Variants in NIPAL4 observed in about 807,000 individuals in gnomAD.
NIPAL4 encodes NIPA like domain containing 4.
In NIPAL4, 21 loss-of-function variants were observed where a neutral mutation model predicts 31.6. That is an observed-to-expected ratio of 0.67 (90% CI 0.47 to 0.96). The LOEUF (loss-of-function observed/expected upper bound fraction) is 0.96, where lower values mean the gene tolerates loss of function less well. Ranked by LOEUF, NIPAL4 falls within the 40% of genes least tolerant of loss-of-function variation. The pLI, the probability that NIPAL4 is intolerant of heterozygous loss-of-function variation, is 0.00. For missense variants in NIPAL4, 438 were observed against 508.0 expected, an observed-to-expected ratio of 0.86 and a Z score of 1.32; for synonymous variants, 175 against 211.1, an observed-to-expected ratio of 0.83 and a Z score of 1.48.
intron 4 of NIPAL4, 84 bp from the exon 5 acceptor site, chr5:157,471,573 G>T: frequency 9.4e-7 from 1 of 1,062,416 alleles, no homozygotes; most frequent in Admixed American, 2.4e-5. Flanking sequence ...TGTTCTCTGT[G>T]AGTGCTTGCT....
chr5:157,471,902 AC>A, intron 5 of NIPAL4, 85 bp downstream of exon 5: 1 of 1,050,804 alleles, frequency 9.5e-7, no homozygotes, highest in Non-Finnish European at 1.4e-6. Flanking sequence ...TTGGGTTCTG[AC>A]CACCTCAGGT....
chr5:157,468,766 C>A lies in NIPAL4; in HGVS notation c.379C>A (p.Pro127Thr). The A allele has an allele frequency of 1.2e-6, 2 of 1,611,824 alleles. No homozygotes were observed. The highest frequency in any genetic ancestry group is 1.1e-5 in the South Asian group (1 of 90,692). ...CAACTTTGGAGCCTACGCATTTGCA[C>A]CTGCAACAGTCGTCACGCCTCTGGG... is the stretch of plus-strand genomic sequence containing the variant. ...VANFGAYAFA[P>T]ATVVTPLGAL... is the part of the protein sequence containing the mutation. The change falls in exon 4 of 6, where the codon CCT becomes ACT. Residue 127 changes from proline to threonine, a missense_variant. Physicochemically the swap from Pro to Thr is conservative, Grantham distance 38. Coordinates refer to ENST00000311946, the MANE Select transcript of NIPAL4 (RefSeq NM_001099287.2).
Position 157,468,815 on chromosome 5 carries a change from T to A in NIPAL4, c.425+3T>A. ...GGAGCGCTGAGTGTCCTCATAAGGTTATTGTCCCCTCTCTAGCTCTCTCTT... is the reference window on the plus strand; with the variant it reads ...GGAGCGCTGAGTGTCCTCATAAGGTAATTGTCCCCTCTCTAGCTCTCTCTT... On this transcript the variant is annotated splice_donor_region_variant and intron_variant, in intron 4 of 5. Transcript: ENST00000311946. 1 of 1,580,918 alleles carries A rather than the reference T, an allele frequency of 6.3e-7. No individual in the cohort carries two copies. Among genetic ancestry groups the A allele is most frequent in the Non-Finnish European group, 8.7e-7 (1 of 1,155,238 alleles).
At position 157,470,454 on chromosome 5, in the gene NIPAL4, C is replaced by T. The variant is rs1029959758; in HGVS notation, c.426-1203C>T. On this transcript the variant is annotated intron_variant, in intron 4 of 5. Coordinates refer to ENST00000311946, the MANE Select transcript of NIPAL4 (RefSeq NM_001099287.2). The stretch of plus-strand genomic sequence containing the variant: ...TCGAGCTCAATTCCTGGTTCCACTA[C>T]TTGCTAGTCATTTGACCTTGCCAAG... 8.5e-5 allele frequency among the ~76,000 whole-genome samples: 13 copies of T among 152,330 alleles called. No homozygotes were observed. In the South Asian group the frequency reaches 2.5e-3, roughly 29 times the overall value.
rs758705642 is a variant in NIPAL4 at position 157,460,336 on chromosome 5, A to T, written c.16A>T (p.Ser6Cys). MELRVSNTSCENGSLL... is the reference protein window; with the variant it reads MELRVCNTSCENGSLL... Reference sequence around the variant, plus strand: ...CCCGGGCCCCATGGAGCTGCGGGTCAGCAACACCAGCTGCGAGAACGGTGC... The same window carrying T: ...CCCGGGCCCCATGGAGCTGCGGGTCTGCAACACCAGCTGCGAGAACGGTGC... The change falls in exon 1 of 6, where the codon AGC (serine) becomes TGC (cysteine). Residue 6 changes from serine to cysteine, a missense_variant. By Grantham distance (112) the Ser-to-Cys change is moderately radical. Coordinates refer to ENST00000311946, the MANE Select transcript of NIPAL4 (RefSeq NM_001099287.2). The T allele has an allele frequency of 1.5e-5, 23 of 1,547,430 alleles. No individual in the cohort carries two copies. The Middle Eastern group carries it at 9.9e-4, about 67-fold the overall frequency.
In NIPAL4 at chr5:157,463,101, G is replaced by C. The variant is rs1754151804; in HGVS notation, c.45G>C (p.Leu15=). 1.2e-6 allele frequency: 2 copies of C among 1,613,940 alleles called. No homozygotes were observed. Among genetic ancestry groups the C allele is most frequent in the South Asian group, 2.2e-5 (2 of 91,080 alleles). ...TGTGGTCTTCCCATCCAGGTTCCCT[G>C]CTCCACCTCTACTGCTCCTCCCAAG... is the stretch of plus-strand genomic sequence containing the variant. ...VSNTSCENGS[L]LHLYCSSQEV... Residue 15 remains leucine, a synonymous_variant, in exon 2 of 6, where the codon CTG becomes CTC. Coordinates refer to ENST00000311946, the MANE Select transcript of NIPAL4 (RefSeq NM_001099287.2).
At position 157,472,510 on chromosome 5, in the gene NIPAL4, G is replaced by C. The variant is rs545433078; in HGVS notation, c.765G>C (p.Gly255=). The change falls in exon 6 of 6, where the codon GGG becomes GGC. Residue 255 remains glycine (G), a synonymous_variant. Transcript: ENST00000311946. ...LGITIKNFFQ[G]LPVVRHPLPY... Reference sequence around the variant, plus strand: ...TCACCATCAAGAACTTCTTCCAGGGGCTGCCAGTTGTCCGGCACCCGCTCC... The same window carrying C: ...TCACCATCAAGAACTTCTTCCAGGGCCTGCCAGTTGTCCGGCACCCGCTCC... The C allele has an allele frequency of 6.2e-7, 1 of 1,613,752 alleles. No homozygotes were observed. The highest frequency in any genetic ancestry group is 2.2e-5 in the East Asian group (1 of 44,894).
intron 2 of NIPAL4, among the ~76,000 whole-genome samples, chr5:157,464,688 T>G (rs1251306527): frequency 6.6e-6 from 1 of 152,158 alleles, no homozygotes; most frequent in Non-Finnish European, 1.5e-5. Flanking sequence ...AAAGTGCTAT[T>G]TCTTGAGATG....
chr5:157,465,390 A>C (rs1194181393), intron 2 of NIPAL4, among the ~76,000 whole-genome samples: 3 of 152,190 alleles, frequency 2.0e-5, no homozygotes, highest in Non-Finnish European at 2.9e-5. Flanking sequence ...ATTTATGGGA[A>C]ATTCTGACCT....
chr5:157,472,212 G>A (rs751998334), intron 5 of NIPAL4, 120 bp from the exon 6 acceptor site: 31 of 932,764 alleles, frequency 3.3e-5, no homozygotes, highest in Admixed American at 1.6e-4. Context: ...ACTGGAACCC[G>A]GGTTTGTCTG....
chr5:157,470,424 A>G (rs1282118135), intron 4 of NIPAL4, among the ~76,000 whole-genome samples: 1 of 152,230 alleles, frequency 6.6e-6, no homozygotes, highest in African/African-American at 2.4e-5. Flanking sequence ...ATAATTAGAA[A>G]GGACTCGAGC....
chr5:157,465,714 G>A (rs911358832), intron 2 of NIPAL4, among the ~76,000 whole-genome samples: 2 of 152,198 alleles, frequency 1.3e-5, no homozygotes, highest in Non-Finnish European at 2.9e-5. Flanking sequence ...AACCCCAGCT[G>A]GGCACAGTCA....
intron 4 of NIPAL4, 88 bp from the exon 5 acceptor site, chr5:157,471,569 C>CT (rs1454173474): frequency 1.6e-5 from 17 of 1,036,318 alleles, no homozygotes; most frequent in Non-Finnish European, 2.0e-5. Context: ...CTGTTGTTCT[C>CT]TGTGAGTGCT....
At chr5:157,461,484 G>A (rs865873299) in intron 1 of NIPAL4, among the ~76,000 whole-genome samples, 2 of 152,192 alleles carry the variant, frequency 1.3e-5, no homozygotes, top group African/African-American at 4.8e-5. Flanking sequence ...GGGGAAGGGC[G>A]TGGGGATGAG....
chr5:157,473,108 G>C lies in NIPAL4; in HGVS notation c.*148G>C. The C allele has an allele frequency of 1.7e-6, 1 of 602,518 alleles. No homozygotes were observed. Among genetic ancestry groups the C allele is most frequent in the African/African-American group, 1.8e-5 (1 of 54,242 alleles). The allele number at this position is 602,518 out of a possible 1,614,324, so 37.3% of individuals were successfully genotyped here. A position where few individuals can be genotyped will look rare whatever the true frequency, so the allele number is the denominator to read the frequency against. ...ATTTATACCTCATCACTGTTTCCAG[G>C]AGAAAAATCTTTACCCAAATAGCAA... On this transcript the variant is annotated 3_prime_UTR_variant, in exon 6 of 6. Transcript: ENST00000311946.
At chr5:157,463,817 T>C (rs1754181157) in intron 2 of NIPAL4, among the ~76,000 whole-genome samples, 1 of 152,212 alleles carries the variant, frequency 6.6e-6, no homozygotes, top group Non-Finnish European at 1.5e-5. Flanking sequence ...CCCAAGGGAT[T>C]TGCTTGTTTG....
At chr5:157,463,560 T>A (rs1483961314) in intron 2 of NIPAL4, among the ~76,000 whole-genome samples, 3 of 152,196 alleles carry the variant, frequency 2.0e-5, no homozygotes, top group Non-Finnish European at 4.4e-5. Flanking sequence ...TAGAATCCAA[T>A]CTTTCCTGAG....
In NIPAL4 at chr5:157,474,575, C is replaced by G. The variant is rs966416231; in HGVS notation, c.*1615C>G. On this transcript the variant is annotated 3_prime_UTR_variant, in exon 6 of 6. Coordinates refer to ENST00000311946, the MANE Select transcript of NIPAL4 (RefSeq NM_001099287.2). ...GACTGGCTCCCTGACTCTTCAGCCT[C>G]AAATCCCCAGTTTTTGATGAATGTG... The G allele has an allele frequency of 2.0e-5, 3 of 152,232 alleles. No individual in the cohort carries two copies. The highest frequency in any genetic ancestry group is 2.0e-4 in the Admixed American group (3 of 15,292). 9.4% of individuals were successfully genotyped at this position (152,232 alleles called of 1,614,324 possible).
At chr5:157,471,511 G>GT (rs1246891098) in intron 4 of NIPAL4, 146 bp from the exon 5 acceptor site, 6 of 642,632 alleles carry the variant, frequency 9.3e-6, no homozygotes, top group African/African-American at 1.8e-5. Context: ...GGTAACGTAA[G>GT]TTTTTTTGGA....
Sources: allele counts gnomAD v4.1 joint callset (sites outside exome capture counted in the v4.1 genomes callset), GRCh38; gene constraint gnomAD v4.1.1; transcripts MANE v1.5; gene names NCBI Gene and HGNC (gene_info 2026-07-23, HGNC 2026-07-21).